ZSCAN25: variants seen among roughly 807,000 people sequenced by gnomAD.
ZSCAN25 encodes zinc finger and SCAN domain-containing protein 25.
Under a neutral mutation model 38.7 loss-of-function variants are expected in ZSCAN25, and 27 were observed. The ratio of observed to expected loss-of-function variants is 0.70; its 90% CI spans 0.51 to 0.96. The LOEUF (loss-of-function observed/expected upper bound fraction) is 0.96. Ranked by LOEUF, ZSCAN25 falls within the 40% of genes least tolerant of loss-of-function variation. The pLI, the probability that ZSCAN25 is intolerant of heterozygous loss-of-function variation, is 0.00. For synonymous variants in ZSCAN25, 273 were observed against 277.7 expected, an observed-to-expected ratio of 0.98 and a Z score of 0.17; for missense variants, 637 against 705.9, an observed-to-expected ratio of 0.90 and a Z score of 1.11.
the ZSCAN25 span, among the ~76,000 whole-genome samples, chr7:99,686,100 T>C: frequency 2.0e-5 from 3 of 152,306 alleles, no homozygotes; most frequent in African/African-American, 7.2e-5. Context: ...ACGGGTGATT[T>C]CTGCATTTTC....
the ZSCAN25 span, chr7:99,667,077 C>T: frequency 6.2e-7 from 1 of 1,606,376 alleles, no homozygotes; most frequent in East Asian, 2.2e-5. Context: ...TAGAGTTCAA[C>T]AGAAACATTT....
At chr7:99,675,375 C>T in the ZSCAN25 span, among the ~76,000 whole-genome samples, 1 of 152,094 alleles carries the variant, frequency 6.6e-6, no homozygotes, top group Non-Finnish European at 1.5e-5. Context: ...GAAGAAATTA[C>T]TGCTTTTATC....
chr7:99,717,156 C>T, the ZSCAN25 span: 2 of 1,613,738 alleles, frequency 1.2e-6, no homozygotes, highest in South Asian at 2.2e-5. Flanking sequence ...CTCAGAACCC[C>T]ATGGCTGTGC....
At chr7:99,686,150 C>G in the ZSCAN25 span, among the ~76,000 whole-genome samples, 3 of 152,280 alleles carry the variant, frequency 2.0e-5, no homozygotes, top group South Asian at 4.1e-4. Flanking sequence ...GAGTGCCAGA[C>G]AGTGGGTGCA....
chr7:99,622,415 G>A (rs1256581055), intron 5 of ZSCAN25, 134 bp from the exon 6 acceptor site: 2 of 838,530 alleles, frequency 2.4e-6, no homozygotes, highest in East Asian at 2.4e-5. Context: ...TGGTACCAGA[G>A]TGAAAAGGGA....
the ZSCAN25 span, among the ~76,000 whole-genome samples, chr7:99,639,819 A>C: frequency 6.6e-6 from 1 of 152,166 alleles, no homozygotes; most frequent in Non-Finnish European, 1.5e-5. Flanking sequence ...TAATACCAGC[A>C]CTTTGGGAGG....
chr7:99,724,697 T>A, the ZSCAN25 span, among the ~76,000 whole-genome samples: 115,754 of 151,912 alleles, frequency 0.76, 47,073 homozygotes, highest in Non-Finnish European at 0.91. Flanking sequence ...AGACTAGCCC[T>A]CCTCCACCTG....
downstream of ZSCAN25, among the ~76,000 whole-genome samples, chr7:99,635,866 T>C (rs1808257135): frequency 2.0e-5 from 3 of 151,902 alleles, no homozygotes; most frequent in South Asian, 4.2e-4. Context: ...GATAACATGG[T>C]GAAACCCCGT....
the ZSCAN25 span, chr7:99,660,215 T>A: frequency 2.3e-6 from 1 of 434,032 alleles, no homozygotes; most frequent in Non-Finnish European, 2.7e-6. Flanking sequence ...GCCACACTCC[T>A]TTTTTTTTTT....
At chr7:99,632,989 G>GC (rs1554412110), downstream of ZSCAN25, among the ~76,000 whole-genome samples, 3 of 128,528 alleles carry the variant, frequency 2.3e-5, no homozygotes, top group Non-Finnish European at 4.8e-5. Flanking sequence ...ATTTTCTGTT[G>GC]TTTTTTTTTT....
At chr7:99,690,113 T>C in the ZSCAN25 span, among the ~76,000 whole-genome samples, 1 of 152,086 alleles carries the variant, frequency 6.6e-6, no homozygotes, top group Non-Finnish European at 1.5e-5. Context: ...TATTGGCCAA[T>C]GGAGCAGAAC....
chr7:99,727,528 A>C, the ZSCAN25 span, among the ~76,000 whole-genome samples: 1 of 152,082 alleles, frequency 6.6e-6, no homozygotes, highest in Non-Finnish European at 1.5e-5. Context: ...ACCACACCTT[A>C]TCCCCATGAC....
chr7:99,704,320 T>A, the ZSCAN25 span, among the ~76,000 whole-genome samples: 1 of 152,238 alleles, frequency 6.6e-6, no homozygotes, highest in African/African-American at 2.4e-5. Flanking sequence ...AGATGCAGTC[T>A]CACTCTGTCA....
the ZSCAN25 span, among the ~76,000 whole-genome samples, chr7:99,697,609 G>T: frequency 1.8e-4 from 28 of 152,206 alleles, no homozygotes; most frequent in South Asian, 8.3e-4. Context: ...ACAGTTGAAT[G>T]AAGACCTTGT....
chr7:99,695,464 A>T, the ZSCAN25 span, among the ~76,000 whole-genome samples: 3 of 152,154 alleles, frequency 2.0e-5, no homozygotes, highest in East Asian at 5.8e-4. Context: ...CAAAAGAAAA[A>T]TGTTCTTTAT....
intron 4 of ZSCAN25, 92 bp downstream of exon 4, chr7:99,620,085 G>A (rs1229713120): frequency 9.0e-6 from 13 of 1,447,214 alleles, no homozygotes; most frequent in African/African-American, 8.5e-5. Flanking sequence ...AGGAGTGGAC[G>A]AGGTGTGGAG....
At chr7:99,665,351 C>G in the ZSCAN25 span, 5 of 1,612,300 alleles carry the variant, frequency 3.1e-6, no homozygotes, top group Admixed American at 1.7e-5. Flanking sequence ...AAAATCAGCA[C>G]CTCTTACCGT....
the ZSCAN25 span, among the ~76,000 whole-genome samples, chr7:99,721,742 C>CGTGTGT: frequency 6.6e-6 from 1 of 151,266 alleles, no homozygotes; most frequent in African/African-American, 2.4e-5. Context: ...AATTATGACA[C>CGTGTGT]GTGTGTGTGT....
At chr7:99,729,968 A>T in the ZSCAN25 span, among the ~76,000 whole-genome samples, 1 of 152,198 alleles carries the variant, frequency 6.6e-6, no homozygotes, top group Non-Finnish European at 1.5e-5. Context: ...GAGGGAAAAA[A>T]TATGAAATTC....
Sources: gnomAD v4.1 joint callset for allele counts (sites outside exome capture counted in the v4.1 genomes callset) on GRCh38, gnomAD v4.1.1 for gene constraint, MANE v1.5 for transcripts, NCBI Gene and HGNC (gene_info 2026-07-23, HGNC 2026-07-21) for gene names.